The following SH3RF3 variants were observed in gnomAD, a reference collection of about 807,000 sequenced individuals.
SH3RF3 encodes the protein SH3 domain containing ring finger 3.
Under a neutral mutation model 66.3 loss-of-function variants are expected in SH3RF3, and 29 were observed. That is an observed-to-expected ratio of 0.44 (90% CI 0.33 to 0.60). The LOEUF (loss-of-function observed/expected upper bound fraction) is 0.60. SH3RF3 is among the 20% of genes least tolerant of loss of function. The probability of loss-of-function intolerance (pLI) is 0.04; values close to 1 mark genes in which losing one functional copy is unlikely to be tolerated. For synonymous variants in SH3RF3, 583 were observed against 532.0 expected (o/e 1.10, Z -1.32); for missense variants, 1,194 against 1,190.9 (o/e 1.00, Z -0.04).
At chr2:109,182,686 G>T (rs1403384829) in intron 1 of SH3RF3, among the ~76,000 whole-genome samples, 1 of 152,188 alleles carries the variant, frequency 6.6e-6, no homozygotes, top group Non-Finnish European at 1.5e-5. Flanking sequence ...TTTGAGGCTA[G>T]GCTGGTATTT....
intron 8 of SH3RF3, among the ~76,000 whole-genome samples, chr2:109,488,972 C>G (rs758313019): frequency 1.7e-4 from 26 of 152,168 alleles, no homozygotes; most frequent in Non-Finnish European, 3.2e-4. Flanking sequence ...CTGAAATCAC[C>G]CAGAACTCCC....
At chr2:109,283,712 T>C (rs1163767226) in intron 1 of SH3RF3, among the ~76,000 whole-genome samples, 1 of 152,110 alleles carries the variant, frequency 6.6e-6, no homozygotes, top group East Asian at 1.9e-4. Flanking sequence ...ATTTGAGAAT[T>C]GGGGATGCTA....
At chr2:109,239,803 C>T (rs1468222589) in intron 1 of SH3RF3, among the ~76,000 whole-genome samples, 2 of 152,190 alleles carry the variant, frequency 1.3e-5, no homozygotes, top group African/African-American at 2.4e-5. Context: ...GGGTGTTTCA[C>T]GGCCACCTGC....
intron 8 of SH3RF3, among the ~76,000 whole-genome samples, chr2:109,481,445 G>C (rs1678831812): frequency 6.6e-6 from 1 of 152,206 alleles, no homozygotes; most frequent in African/African-American, 2.4e-5. Flanking sequence ...GGAGCTTCTG[G>C]TATGTTCTCG....
intron 9 of SH3RF3, among the ~76,000 whole-genome samples, chr2:109,493,457 C>T (rs1388469725): frequency 6.6e-6 from 1 of 151,394 alleles, no homozygotes; most frequent in African/African-American, 2.4e-5. Context: ...ACACACTCCA[C>T]ATACACTATA....
intron 1 of SH3RF3, among the ~76,000 whole-genome samples, chr2:109,140,126 C>T (rs185699735): frequency 3.3e-5 from 5 of 152,274 alleles, no homozygotes; most frequent in East Asian, 1.9e-4. Context: ...CTCTGTCCAC[C>T]GTCCCCTCCT....
intron 1 of SH3RF3, among the ~76,000 whole-genome samples, chr2:109,273,218 A>G (rs984390609): frequency 2.0e-5 from 3 of 152,202 alleles, no homozygotes; most frequent in African/African-American, 7.2e-5. Context: ...GAATAATTGC[A>G]CAGTCGTCTG....
At chr2:109,490,165 G>T (rs535730042) in intron 8 of SH3RF3, among the ~76,000 whole-genome samples, 31 of 152,314 alleles carry the variant, frequency 2.0e-4, no homozygotes, top group African/African-American at 7.5e-4. Flanking sequence ...CAACTGAGAT[G>T]CCATCTGCTG....
chr2:109,474,993 T>G (rs868536121), intron 8 of SH3RF3, among the ~76,000 whole-genome samples: 15 of 152,154 alleles, frequency 9.9e-5, no homozygotes, highest in South Asian at 2.1e-4. Flanking sequence ...TTGTTTGTTT[T>G]TTTGAGACGG....
rs117254404 is a variant in SH3RF3, at chr2:109,301,430, C to G, written c.574-46244C>G. ...GAACTCATGTAGTCTCCCCTGCATT[C>G]CTCTCCTCCGGGGATTGCTGGCCCC... On this transcript the variant is annotated intron_variant, in intron 1 of 9. Transcript: ENST00000309415. Among the ~76,000 whole-genome samples the G allele has an allele frequency of 3.0e-3, 464 of 152,156 alleles. 15 individuals are homozygous for G. In the East Asian group the frequency reaches 0.082, roughly 27 times the overall value.
At chr2:109,489,088 T>C (rs549916274) in intron 8 of SH3RF3, among the ~76,000 whole-genome samples, 1 of 152,222 alleles carries the variant, frequency 6.6e-6, no homozygotes, top group Non-Finnish European at 1.5e-5. Context: ...AGGCCGAGAC[T>C]CAGGCAGTGG....
chr2:109,336,692 T>G (rs897100842), intron 1 of SH3RF3, among the ~76,000 whole-genome samples: 2 of 152,274 alleles, frequency 1.3e-5, no homozygotes, highest in Non-Finnish European at 2.9e-5. Flanking sequence ...CTTATGAAGT[T>G]TACCTTAAGT....
intron 8 of SH3RF3, among the ~76,000 whole-genome samples, chr2:109,455,477 CAT>C (rs1304335876): frequency 1.7e-4 from 26 of 152,182 alleles, no homozygotes; most frequent in African/African-American, 6.0e-4. Flanking sequence ...CTGTGGGACA[CAT>C]GTGTGCACCC....
intron 1 of SH3RF3, among the ~76,000 whole-genome samples, chr2:109,223,997 G>A (rs909757416): frequency 1.3e-5 from 2 of 152,116 alleles, no homozygotes; most frequent in East Asian, 1.9e-4. Flanking sequence ...GTGAGACTCC[G>A]TCTCAAAAAC....
intron 1 of SH3RF3, among the ~76,000 whole-genome samples, chr2:109,330,582 G>A (rs1181589743): frequency 6.6e-6 from 1 of 152,184 alleles, no homozygotes; most frequent in African/African-American, 2.4e-5. Context: ...GTTTGCATGG[G>A]TGGATGGATG....
chr2:109,246,527 A>G (rs897674878), intron 1 of SH3RF3, among the ~76,000 whole-genome samples: 9 of 152,238 alleles, frequency 5.9e-5, no homozygotes, highest in Admixed American at 3.9e-4. Flanking sequence ...CATTCAGTCC[A>G]TTGCATACTC....
chr2:109,376,629 C>A (rs1559050508), intron 3 of SH3RF3, among the ~76,000 whole-genome samples: 1 of 152,188 alleles, frequency 6.6e-6, no homozygotes, highest in Non-Finnish European at 1.5e-5. Context: ...AATGGGGAGA[C>A]CCAGATCTCA....
At chr2:109,168,145 G>A (rs1301908460) in intron 1 of SH3RF3, among the ~76,000 whole-genome samples, 1 of 152,124 alleles carries the variant, frequency 6.6e-6, no homozygotes, top group African/African-American at 2.4e-5. Context: ...CTTAAATTGT[G>A]TGCTTTCAGG....
At chr2:109,372,969 C>A (rs1683307421) in intron 3 of SH3RF3, among the ~76,000 whole-genome samples, 1 of 152,216 alleles carries the variant, frequency 6.6e-6, no homozygotes, top group African/African-American at 2.4e-5. Context: ...GCATTCAAAG[C>A]CCTTTGCAGT....
Sources: allele counts gnomAD v4.1 joint callset (sites outside exome capture counted in the v4.1 genomes callset), GRCh38; gene constraint gnomAD v4.1.1; transcripts MANE v1.5; gene names NCBI Gene and HGNC (gene_info 2026-07-23, HGNC 2026-07-21).